Variants in ASAP1 observed in about 807,000 individuals in gnomAD.
ASAP1 encodes ArfGAP with SH3 domain, ankyrin repeat and PH domain 1.
ASAP1 carries 43 observed loss-of-function variants against 145.2 expected under a neutral mutation model. The observed-to-expected ratio is 0.30, with a 90% confidence interval of 0.23 to 0.38. ASAP1 has a LOEUF of 0.38. Ranked by LOEUF, ASAP1 falls within the 10% of genes least tolerant of loss-of-function variation. ASAP1 has a pLI of 1.00. For missense variants in ASAP1, 1,018 were observed against 1,355.3 expected, an observed-to-expected ratio of 0.75 and a Z score of 3.91; for synonymous variants, 546 against 515.5, an observed-to-expected ratio of 1.06 and a Z score of -0.80.
intron 23 of ASAP1, 53 bp from the exon 24 acceptor site, chr8:130,112,375 G>C: frequency 3.9e-6 from 6 of 1,519,204 alleles, no homozygotes; most frequent in Non-Finnish European, 5.4e-6. Flanking sequence ...CCCTTCATGT[G>C]TACAGAGGGC....
intron 4 of ASAP1, among the ~76,000 whole-genome samples, chr8:130,216,031 GGAAAAAGGAAAGGAAAA>G (rs199524839): frequency 0.038 from 5,280 of 140,446 alleles, 158 homozygotes; most frequent in African/African-American, 0.086. Context: ...GGAAAGGAAA[GGAAAAAGGAAAGGAAAA>G]GAAAGAAAAG....
chr8:130,431,729 T>C (rs1830140358), intron 1 of ASAP1, among the ~76,000 whole-genome samples: 1 of 151,702 alleles, frequency 6.6e-6, no homozygotes, highest in Non-Finnish European at 1.5e-5. Flanking sequence ...CCCCCATTCA[T>C]ATGAGAGGTT....
At chr8:130,387,740 G>C (rs1828089844) in intron 2 of ASAP1, among the ~76,000 whole-genome samples, 1 of 151,574 alleles carries the variant, frequency 6.6e-6, no homozygotes, top group Non-Finnish European at 1.5e-5. Flanking sequence ...TCCATGAAAG[G>C]ATTCTACAAA....
At chr8:130,263,294 A>G (rs1022383500) in intron 3 of ASAP1, among the ~76,000 whole-genome samples, 1 of 152,218 alleles carries the variant, frequency 6.6e-6, no homozygotes, top group African/African-American at 2.4e-5. Context: ...GAGGAAAAAA[A>G]GATGAGCTGG....
chr8:130,438,027 G>A (rs1354726859), intron 1 of ASAP1, among the ~76,000 whole-genome samples: 1 of 152,210 alleles, frequency 6.6e-6, no homozygotes, highest in African/African-American at 2.4e-5. Context: ...TCCAAGAGAT[G>A]GGAGCTGAAG....
intron 1 of ASAP1, among the ~76,000 whole-genome samples, chr8:130,412,140 C>A (rs541376021): frequency 1.3e-5 from 2 of 152,272 alleles, no homozygotes; most frequent in Admixed American, 6.5e-5. Flanking sequence ...ACAGAGGAAA[C>A]AACAGCCCTT....
chr8:130,383,466 G>T (rs28396295), intron 2 of ASAP1, among the ~76,000 whole-genome samples: 72,951 of 151,960 alleles, frequency 0.48, 18,731 homozygotes, highest in African/African-American at 0.67. Context: ...CCAGAGGATC[G>T]ACTATGAACC....
intron 3 of ASAP1, among the ~76,000 whole-genome samples, chr8:130,351,550 TC>T (rs1364215483): frequency 1.3e-5 from 2 of 152,168 alleles, no homozygotes; most frequent in East Asian, 3.8e-4. Context: ...GGCGCTGGTA[TC>T]TGCTTGGCTT....
At chr8:130,077,766 C>T (rs890353305) in intron 26 of ASAP1, among the ~76,000 whole-genome samples, 1 of 152,132 alleles carries the variant, frequency 6.6e-6, no homozygotes, top group African/African-American at 2.4e-5. Flanking sequence ...TGTCCTGGCT[C>T]TTGGCCATCC....
rs774041293 is a variant in ASAP1, at chr8:130,118,651, A to T, written c.1632T>A (p.Thr544=). 7.4e-5 allele frequency: 120 copies of T among 1,612,908 alleles called. 2 individuals carry two copies. In the South Asian group the frequency reaches 1.2e-3, roughly 16 times the overall value. The stretch of plus-strand genomic sequence containing the variant: ...AAAACCTATGATCTACATACTTTGC[A>T]GTGATATATTCTTTTCGTACAGTCC... ...SDMTVRKEYI[T]AKYVDHRFSR... The change falls in exon 19 of 30, where the codon ACT becomes ACA. Residue 544 remains threonine (T), a synonymous_variant. Coordinates refer to ENST00000518721, the MANE Select transcript of ASAP1 (RefSeq NM_018482.4).
intron 18 of ASAP1, among the ~76,000 whole-genome samples, chr8:130,122,281 CTTG>C (rs2097567549): frequency 6.6e-6 from 1 of 152,176 alleles, no homozygotes; most frequent in South Asian, 2.1e-4. Flanking sequence ...GAAACTCTGT[CTTG>C]TTTGCTACTG....
At chr8:130,415,185 T>C (rs1010770957) in intron 1 of ASAP1, among the ~76,000 whole-genome samples, 12 of 152,350 alleles carry the variant, frequency 7.9e-5, no homozygotes, top group African/African-American at 2.9e-4. Context: ...ATATGCATTG[T>C]CAAAATGGGA....
At chr8:130,156,571 A>C (rs2097658627) in intron 12 of ASAP1, among the ~76,000 whole-genome samples, 1 of 152,230 alleles carries the variant, frequency 6.6e-6, no homozygotes, top group Non-Finnish European at 1.5e-5. Context: ...AGAACGAAGA[A>C]GTCAAGGGGG....
intron 2 of ASAP1, among the ~76,000 whole-genome samples, chr8:130,377,887 T>G (rs1461797447): frequency 6.6e-6 from 1 of 152,010 alleles, no homozygotes; most frequent in Admixed American, 6.6e-5. Context: ...ATCTCTATGG[T>G]CCCCCTGCCC....
At chr8:130,190,839 A>G (rs1017463297) in intron 5 of ASAP1, among the ~76,000 whole-genome samples, 2 of 152,142 alleles carry the variant, frequency 1.3e-5, no homozygotes, top group African/African-American at 4.8e-5. Context: ...TTATGCCAGC[A>G]TCATGCTGGT....
At chr8:130,418,457 A>C (rs1425151847) in intron 1 of ASAP1, among the ~76,000 whole-genome samples, 1 of 152,154 alleles carries the variant, frequency 6.6e-6, no homozygotes, top group Admixed American at 6.5e-5. Flanking sequence ...CTGAGGCAGG[A>C]GGATCACTTG....
intron 3 of ASAP1, among the ~76,000 whole-genome samples, chr8:130,273,116 C>T (rs2137091658): frequency 6.6e-6 from 1 of 152,264 alleles, no homozygotes; most frequent in Admixed American, 6.5e-5. Context: ...ACCCCATAAA[C>T]ATGTATAAAT....
intron 1 of ASAP1, among the ~76,000 whole-genome samples, chr8:130,403,817 G>A (rs1225727697): frequency 6.6e-6 from 1 of 152,108 alleles, no homozygotes; most frequent in Non-Finnish European, 1.5e-5. Context: ...GCCTCCCAAA[G>A]TGCTGGGATT....
At chr8:130,343,349 C>G (rs573712626) in intron 3 of ASAP1, among the ~76,000 whole-genome samples, 1 of 152,304 alleles carries the variant, frequency 6.6e-6, no homozygotes, top group South Asian at 2.1e-4. Flanking sequence ...GTCTGCTAAG[C>G]AGAGAGTTTG....
Sources: gnomAD v4.1 joint callset for allele counts (sites outside exome capture counted in the v4.1 genomes callset) on GRCh38, gnomAD v4.1.1 for gene constraint, MANE v1.5 for transcripts, NCBI Gene and HGNC (gene_info 2026-07-23, HGNC 2026-07-21) for gene names.